Variants in ANAPC7 observed in about 807,000 individuals in gnomAD.
The protein encoded by ANAPC7 is anaphase promoting complex subunit 7.
ANAPC7 carries 25 observed loss-of-function variants against 63.3 expected under a neutral mutation model. The observed-to-expected ratio is 0.39, with a 90% confidence interval of 0.29 to 0.55. The LOEUF (loss-of-function observed/expected upper bound fraction) is 0.55. Among genes scored for constraint, ANAPC7 ranks in the 20% least tolerant of loss-of-function variants. The pLI, the probability that ANAPC7 is intolerant of heterozygous loss-of-function variation, is 0.57. For synonymous variants in ANAPC7, 241 were observed against 251.7 expected (o/e 0.96, Z 0.40); for missense variants, 516 against 691.7 (o/e 0.75, Z 2.85).
chr12:110,382,462 A>ATATATATATATG (rs1882007780), intron 7 of ANAPC7, among the ~76,000 whole-genome samples: 5 of 53,444 alleles, frequency 9.4e-5, no homozygotes, highest in African/African-American at 3.3e-4. Context: ...AAAAAAAAAA[A>ATATATATATATG]TATATATATA....
chr12:110,396,071 A>G (rs766408974), intron 2 of ANAPC7, among the ~76,000 whole-genome samples, 195 bp downstream of exon 2: 4 of 152,156 alleles, frequency 2.6e-5, no homozygotes, highest in Non-Finnish European at 4.4e-5. Flanking sequence ...TTGTGTTCCT[A>G]TAAGAATCTA....
chr12:110,400,165 CTATG>C (rs1400219262), intron 1 of ANAPC7, among the ~76,000 whole-genome samples: 4 of 152,140 alleles, frequency 2.6e-5, no homozygotes, highest in Non-Finnish European at 5.9e-5. Flanking sequence ...CTCTGTGATT[CTATG>C]TATGTAGTGA....
intron 2 of ANAPC7, among the ~76,000 whole-genome samples, chr12:110,395,623 C>T (rs1224710606): frequency 1.2e-4 from 18 of 150,350 alleles, no homozygotes; most frequent in Admixed American, 1.0e-3. Context: ...GACAGAGTCT[C>T]GTTCTGTCAC....
At chr12:110,402,543 C>G (rs2062246864) in intron 1 of ANAPC7, among the ~76,000 whole-genome samples, 1 of 151,830 alleles carries the variant, frequency 6.6e-6, no homozygotes, top group Non-Finnish European at 1.5e-5. Flanking sequence ...ACTGTGTTAG[C>G]CAGGATGATC....
At chr12:110,374,871 C>T (rs751956453) in intron 10 of ANAPC7, among the ~76,000 whole-genome samples, 4 of 152,166 alleles carry the variant, frequency 2.6e-5, no homozygotes, top group Non-Finnish European at 5.9e-5. Flanking sequence ...AAGGCTACCC[C>T]TACCCAAGCA....
chr12:110,401,421 TG>T (rs1232218138), intron 1 of ANAPC7, among the ~76,000 whole-genome samples: 1 of 151,960 alleles, frequency 6.6e-6, no homozygotes, highest in Non-Finnish European at 1.5e-5. Flanking sequence ...AATTGGTGGG[TG>T]ATGCGAAGGG....
chr12:110,381,381 G>A (rs1285166981), intron 8 of ANAPC7, among the ~76,000 whole-genome samples: 2 of 152,108 alleles, frequency 1.3e-5, no homozygotes, highest in African/African-American at 4.8e-5. Context: ...TCTGTCGCCA[G>A]GCTGGAGTGC....
At chr12:110,379,323 C>T (rs1436465989) in intron 8 of ANAPC7, among the ~76,000 whole-genome samples, 1 of 152,180 alleles carries the variant, frequency 6.6e-6, no homozygotes, top group African/African-American at 2.4e-5. Context: ...GAAGGAAGCT[C>T]CAACTGGAAA....
rs1206442751 is a variant in ANAPC7, at chr12:110,396,467, A to G, written c.102-15T>C. The G allele has an allele frequency of 6.3e-7, 1 of 1,576,394 alleles. No homozygotes were observed. Among genetic ancestry groups the G allele is most frequent in the East Asian group, 2.2e-5 (1 of 44,578 alleles). ...AGAATAACTCACTAGAAAACAAGAG[A>G]AAATGTAATACATCTTTTCCTCCCT... On this transcript the variant is annotated splice_polypyrimidine_tract_variant and intron_variant, in intron 1 of 10. Transcript: ENST00000455511.
intron 1 of ANAPC7, among the ~76,000 whole-genome samples, chr12:110,403,216 G>A (rs55946301): frequency 1.3e-5 from 2 of 152,228 alleles, no homozygotes; most frequent in African/African-American, 4.8e-5. Context: ...ATTCAGCCTA[G>A]CGATGTGACA....
chr12:110,399,252 C>A (rs1172424247), intron 1 of ANAPC7, among the ~76,000 whole-genome samples: 1 of 151,824 alleles, frequency 6.6e-6, no homozygotes, highest in African/African-American at 2.4e-5. Flanking sequence ...AAACTCCTGA[C>A]CTCATGATCC....
chr12:110,381,270 T>TC (rs1881818316), intron 8 of ANAPC7, among the ~76,000 whole-genome samples: 1 of 151,518 alleles, frequency 6.6e-6, no homozygotes, highest in African/African-American at 2.4e-5. Flanking sequence ...TCCATGTATT[T>TC]CCATCTACAC....
intron 1 of ANAPC7, among the ~76,000 whole-genome samples, chr12:110,402,979 C>T (rs2062254248): frequency 6.7e-6 from 1 of 148,474 alleles, no homozygotes; most frequent in Admixed American, 6.7e-5. Flanking sequence ...TGGGCTCAAG[C>T]GATCCTCCCG....
In ANAPC7 at chr12:110,403,658, C is replaced by A. The variant is rs1367084052; in HGVS notation, c.-31G>T. 1.3e-6 allele frequency: 2 copies of A among 1,569,756 alleles called. No individual in the cohort carries two copies. On this transcript the variant is annotated 5_prime_UTR_variant, in exon 1 of 11. Coordinates refer to ENST00000455511, the MANE Select transcript of ANAPC7 (RefSeq NM_016238.3). ...TCTGCAAAGCCGCGGGCAGCGGCGG[C>A]AGCACTGACTCGAAAAGCCGGTAGA... is the stretch of plus-strand genomic sequence containing the variant.
chr12:110,374,983 C>A (rs1373464674), intron 10 of ANAPC7, among the ~76,000 whole-genome samples: 1 of 152,060 alleles, frequency 6.6e-6, no homozygotes, highest in Non-Finnish European at 1.5e-5. Context: ...AATCTTTCCT[C>A]TTGCCTTAGT....
At position 110,373,161 on chromosome 12, in the gene ANAPC7, T is replaced by G. The variant is rs1170149670; in HGVS notation, c.*983A>C. On this transcript the variant is annotated 3_prime_UTR_variant, in exon 11 of 11. Transcript: ENST00000455511. ...AAACTCCCAGCCCCAGAGCTCAGGG[T>G]GTGATACTCAGGCTGACCAGTGACA... The G allele has an allele frequency of 6.6e-6, 1 of 151,836 alleles. No homozygotes were observed. Among genetic ancestry groups the G allele is most frequent in the Non-Finnish European group, 1.5e-5 (1 of 67,994 alleles). 9.4% of individuals were successfully genotyped at this position (151,836 alleles called of 1,614,324 possible). A position where few individuals can be genotyped will look rare whatever the true frequency, so the allele number is the denominator to read the frequency against.
At chr12:110,381,336 TG>T (rs1881825762) in intron 8 of ANAPC7, among the ~76,000 whole-genome samples, 3 of 151,736 alleles carry the variant, frequency 2.0e-5, no homozygotes, top group African/African-American at 4.8e-5. Context: ...GTTTTTTTGT[TG>T]TTGTTGTTGT....
intron 1 of ANAPC7, 21 bp downstream of exon 1, chr12:110,403,506 C>T (rs768287933): frequency 6.4e-7 from 1 of 1,569,332 alleles, no homozygotes; most frequent in South Asian, 1.2e-5. Context: ...CAGCCCCAGG[C>T]AGCTACCCGC....
chr12:110,396,331 C>G lies in ANAPC7; in HGVS notation c.223G>C (p.Ala75Pro). ...CTCACTTTTGAAGTTTTACTTAGCG[C>G]TTTCTTCTGCTGTAAAGCCATGGTA... ...KYTMALQQKK[A>P]LSKTSKVRPS... Residue 75 changes from alanine (A) to proline (P), a missense_variant, in exon 2 of 11, where the codon GCG becomes CCG. This residue lies in a region of ANAPC7 where 185 missense variants were observed against 200.3 expected (regional missense o/e 0.92). Coordinates refer to ENST00000455511, the MANE Select transcript of ANAPC7 (RefSeq NM_016238.3). 6.2e-7 allele frequency: 1 copy of G among 1,613,858 alleles called. No individual in the cohort carries two copies. The highest frequency in any genetic ancestry group is 8.5e-7 in the Non-Finnish European group (1 of 1,179,946).
Sources: allele counts gnomAD v4.1 joint callset (sites outside exome capture counted in the v4.1 genomes callset), GRCh38; gene constraint gnomAD v4.1.1; regional missense constraint gnomAD v4.1.1; transcripts MANE v1.5; gene names NCBI Gene and HGNC (gene_info 2026-07-23, HGNC 2026-07-21).